The following GRIK1 variants were observed in gnomAD, a reference collection of about 807,000 sequenced individuals.
The protein encoded by GRIK1 is glutamate ionotropic receptor kainate type subunit 1.
In GRIK1, 69 loss-of-function variants were observed where a neutral mutation model predicts 105.7. The observed-to-expected ratio is 0.65, with a 90% CI of 0.54 to 0.80. The LOEUF is 0.80. Among genes scored for constraint, GRIK1 ranks in the 30% least tolerant of loss-of-function variants. The pLI is 0.00. For missense variants in GRIK1, 1,109 were observed against 1,167.3 expected (o/e 0.95, Z 0.73); for synonymous variants, 438 against 431.3 (o/e 1.02, Z -0.19).
intron 1 of GRIK1, among the ~76,000 whole-genome samples, chr21:29,858,838 A>C (rs2068544866): frequency 6.6e-6 from 1 of 151,768 alleles, no homozygotes; most frequent in Non-Finnish European, 1.5e-5. Flanking sequence ...CATATACTCA[A>C]GGGGCCAAAC....
At chr21:29,745,231 C>T (rs538374946) in intron 1 of GRIK1, among the ~76,000 whole-genome samples, 12 of 152,270 alleles carry the variant, frequency 7.9e-5, no homozygotes, top group African/African-American at 2.9e-4. Context: ...CCGAGATCCT[C>T]AGTCCAACGA....
At chr21:29,574,963 G>A (rs1055808108) in intron 14 of GRIK1, among the ~76,000 whole-genome samples, 1 of 151,668 alleles carries the variant, frequency 6.6e-6, no homozygotes, top group African/African-American at 2.4e-5. Flanking sequence ...CAAAGTGCTG[G>A]GATTACAAGC....
chr21:29,937,133 C>T (rs1263846605), intron 1 of GRIK1, among the ~76,000 whole-genome samples: 1 of 152,148 alleles, frequency 6.6e-6, no homozygotes, highest in Non-Finnish European at 1.5e-5. Context: ...GTCCCCAACC[C>T]CTTTTTGTTA....
chr21:29,743,299 CA>C (rs1183726396), intron 1 of GRIK1, among the ~76,000 whole-genome samples: 1 of 152,008 alleles, frequency 6.6e-6, no homozygotes, highest in African/African-American at 2.4e-5. Context: ...GGGAGAAAAT[CA>C]AAGAAAAAAG....
chr21:29,610,496 T>C (rs1157906447), intron 7 of GRIK1, among the ~76,000 whole-genome samples: 1 of 152,110 alleles, frequency 6.6e-6, no homozygotes, highest in South Asian at 2.1e-4. Flanking sequence ...AATTGAAAGA[T>C]GCTACTTTCA....
At chr21:29,868,996 T>G (rs1395588206) in intron 1 of GRIK1, among the ~76,000 whole-genome samples, 1 of 152,210 alleles carries the variant, frequency 6.6e-6, no homozygotes, top group Non-Finnish European at 1.5e-5. Flanking sequence ...TAAATATGTC[T>G]TAAACAAGAC....
At chr21:29,749,387 C>T (rs1362543308) in intron 1 of GRIK1, among the ~76,000 whole-genome samples, 1 of 152,228 alleles carries the variant, frequency 6.6e-6, no homozygotes, top group Non-Finnish European at 1.5e-5. Context: ...ACCGATCTAA[C>T]GTAGCATAGT....
chr21:29,895,006 C>T (rs1432961316), intron 1 of GRIK1, among the ~76,000 whole-genome samples: 2 of 152,136 alleles, frequency 1.3e-5, no homozygotes, highest in East Asian at 1.9e-4. Flanking sequence ...AGCAAATATT[C>T]AATTAAGATG....
chr21:29,767,515 G>GA (rs78865885), intron 1 of GRIK1, among the ~76,000 whole-genome samples: 161 of 141,148 alleles, frequency 1.1e-3, no homozygotes, highest in South Asian at 6.3e-3. Flanking sequence ...GAGAAAGATG[G>GA]AAAAAAAAAA....
rs1438622735 is a variant in GRIK1, at chr21:29,900,202, T to A, written c.118+39181A>T. 5.3e-5 allele frequency among the ~76,000 whole-genome samples: 8 copies of A among 151,818 alleles called. 1 individual carries two copies. ...CATGCCAAATTGTAAAGACCATCAA[T>A]GCTATGAAGAAACTGCATCAATTAA... On this transcript the variant is annotated intron_variant, in intron 1 of 17. Coordinates refer to ENST00000327783, the MANE Select transcript of GRIK1 (RefSeq NM_001330994.2).
intron 1 of GRIK1, among the ~76,000 whole-genome samples, chr21:29,933,406 C>G (rs1457437052): frequency 1.3e-5 from 2 of 152,108 alleles, no homozygotes; most frequent in Non-Finnish European, 2.9e-5. Flanking sequence ...AGCTACGATT[C>G]AAATAAGGGT....
At chr21:29,816,399 C>T (rs2067155615) in intron 1 of GRIK1, among the ~76,000 whole-genome samples, 1 of 151,770 alleles carries the variant, frequency 6.6e-6, no homozygotes, top group African/African-American at 2.4e-5. Flanking sequence ...GATTTCTCAA[C>T]AAATTAAAAA....
intron 1 of GRIK1, among the ~76,000 whole-genome samples, chr21:29,725,153 G>A (rs1342021565): frequency 2.6e-5 from 4 of 152,094 alleles, no homozygotes; most frequent in East Asian, 3.8e-4. Flanking sequence ...AAGCGATTGC[G>A]AACAAGGTCA....
chr21:29,537,874 G>A lies in GRIK1; in HGVS notation c.2618C>T (p.Ser873Leu). Residue 873 changes from serine to leucine, a missense_variant, in exon 17 of 18, where the codon TCA (serine) becomes TTA (leucine). Coordinates refer to ENST00000327783, the MANE Select transcript of GRIK1 (RefSeq NM_001330994.2). ...CCTAAAATAAAATCTAATTCTTGAT[G>A]ACTTTCCTTTCTGATAAAAAAAAAA... Reference protein sequence around the residue: ...KNNDIEQKGKSSRIRFYFRNK... With the variant: ...KNNDIEQKGKLSRIRFYFRNK... 1.5e-6 allele frequency: 2 copies of A among 1,305,636 alleles called. No individual in the cohort carries two copies. The highest frequency in any genetic ancestry group is 1.1e-6 in the Non-Finnish European group (1 of 913,032). The allele number at this position is 1,305,636 out of a possible 1,614,324, so 80.9% of individuals were successfully genotyped here.
At chr21:29,786,014 G>A (rs899680933) in intron 1 of GRIK1, among the ~76,000 whole-genome samples, 2 of 152,090 alleles carry the variant, frequency 1.3e-5, no homozygotes, top group African/African-American at 2.4e-5. Context: ...GTTTTGAGAC[G>A]GAGTCTCGCT....
In GRIK1 at chr21:29,690,687, A is replaced by G. The variant is rs538474764; in HGVS notation, c.287-702T>C. On this transcript the variant is annotated intron_variant, in intron 2 of 17. Transcript: ENST00000327783. Reference sequence around the variant, plus strand: ...TCTTTCTACCCCAGGGTCAGCTGACAGGTAGCCTAAATACATCAAGTCAAT... The same window carrying G: ...TCTTTCTACCCCAGGGTCAGCTGACGGGTAGCCTAAATACATCAAGTCAAT... 2.6e-5 allele frequency among the ~76,000 whole-genome samples: 4 copies of G among 152,360 alleles called. No homozygotes were observed. In the East Asian group the frequency reaches 5.8e-4, roughly 22 times the overall value.
intron 7 of GRIK1, among the ~76,000 whole-genome samples, chr21:29,612,483 C>T (rs1009287163): frequency 6.6e-6 from 1 of 152,190 alleles, no homozygotes. Context: ...CCTCTAGTCA[C>T]ACAACTCTCC....
intron 1 of GRIK1, among the ~76,000 whole-genome samples, chr21:29,737,920 T>C (rs1221966007): frequency 2.0e-5 from 3 of 152,260 alleles, no homozygotes; most frequent in Non-Finnish European, 2.9e-5. Context: ...TTATCTCCCA[T>C]GAAGGCAACT....
chr21:29,676,490 G>T (rs559732165), intron 3 of GRIK1, among the ~76,000 whole-genome samples: 1 of 152,276 alleles, frequency 6.6e-6, no homozygotes, highest in East Asian at 1.9e-4. Context: ...TCTTTGTAAT[G>T]AGTAGTTAAA....
Sources: allele counts gnomAD v4.1 joint callset (sites outside exome capture counted in the v4.1 genomes callset), GRCh38; gene constraint gnomAD v4.1.1; transcripts MANE v1.5; gene names NCBI Gene and HGNC (gene_info 2026-07-23, HGNC 2026-07-21).